Variants in SLMAP observed in about 807,000 individuals in gnomAD.
The protein encoded by SLMAP is sarcolemma associated protein.
In SLMAP, 44 loss-of-function variants were observed where a neutral mutation model predicts 128.8. The observed-to-expected ratio is 0.34, with a 90% CI of 0.27 to 0.44. The LOEUF is 0.44. Among genes scored for constraint, SLMAP ranks in the 20% least tolerant of loss-of-function variants. The pLI is 1.00. For missense variants in SLMAP, 787 were observed against 985.3 expected (o/e 0.80, Z 2.69); for synonymous variants, 327 against 348.8 (o/e 0.94, Z 0.70).
chr3:57,857,879 C>G (rs779057558), intron 7 of SLMAP, 51 bp downstream of exon 7: 33 of 1,236,040 alleles, frequency 2.7e-5, no homozygotes, highest in Non-Finnish European at 3.9e-5. Context: ...GTTTAATATT[C>G]CATACATGTT....
At chr3:57,817,917 A>G (rs1021474110) in intron 2 of SLMAP, among the ~76,000 whole-genome samples, 1 of 152,150 alleles carries the variant, frequency 6.6e-6, no homozygotes, top group Non-Finnish European at 1.5e-5. Flanking sequence ...TACTATTCTT[A>G]CCATTGTGAC....
chr3:57,762,053 CAA>C (rs1312577556), intron 2 of SLMAP, among the ~76,000 whole-genome samples: 7 of 45,522 alleles, frequency 1.5e-4, no homozygotes, highest in Non-Finnish European at 8.8e-5. Flanking sequence ...GACTCCGTCT[CAA>C]AAAAAAAAAA....
At chr3:57,895,663 C>T (rs984166303) in intron 15 of SLMAP, among the ~76,000 whole-genome samples, 17 of 152,020 alleles carry the variant, frequency 1.1e-4, no homozygotes, top group Admixed American at 7.9e-4. Context: ...TTTTCTTGGC[C>T]AGGTGCAGTG....
chr3:57,928,743 G>A lies in SLMAP; in HGVS notation c.*1454G>A, dbSNP rs1559605282. On this transcript the variant is annotated 3_prime_UTR_variant, in exon 25 of 25. Transcript: ENST00000671191. ...CAATCCACAGGTCTAGCCAAATATT[G>A]AAATAGGAGTTTAGGGTATAATTTG... The A allele has an allele frequency of 6.6e-6, 1 of 152,188 alleles. No homozygotes were observed. Among genetic ancestry groups the A allele is most frequent in the Non-Finnish European group, 1.5e-5 (1 of 68,012 alleles). 9.4% of individuals were successfully genotyped at this position (152,188 alleles called of 1,614,324 possible).
At chr3:57,914,085 C>A (rs2096758270) in intron 21 of SLMAP, among the ~76,000 whole-genome samples, 1 of 152,146 alleles carries the variant, frequency 6.6e-6, no homozygotes, top group Non-Finnish European at 1.5e-5. Flanking sequence ...CCAGTTAAAT[C>A]TTTCTAGTAT....
intron 14 of SLMAP, among the ~76,000 whole-genome samples, chr3:57,882,509 C>T (rs2095772586): frequency 6.6e-6 from 1 of 152,192 alleles, no homozygotes; most frequent in Non-Finnish European, 1.5e-5. Context: ...AACTTAAACA[C>T]CTTTTTAAAA....
intron 3 of SLMAP, among the ~76,000 whole-genome samples, chr3:57,833,082 G>T (rs2093434975): frequency 6.6e-6 from 1 of 152,174 alleles, no homozygotes; most frequent in African/African-American, 2.4e-5. Context: ...TGATTACATT[G>T]TCTTTCTCTC....
intron 2 of SLMAP, among the ~76,000 whole-genome samples, chr3:57,761,358 G>T (rs1207732354): frequency 6.6e-6 from 1 of 151,910 alleles, no homozygotes; most frequent in Non-Finnish European, 1.5e-5. Context: ...GCAGTGGTGC[G>T]ATCTCAGCTC....
intron 2 of SLMAP, among the ~76,000 whole-genome samples, chr3:57,763,542 TA>T (rs1383451025): frequency 3.3e-5 from 5 of 152,138 alleles, no homozygotes; most frequent in African/African-American, 9.7e-5. Context: ...CCTAAAGAGT[TA>T]GGATTACAGG....
intron 21 of SLMAP, among the ~76,000 whole-genome samples, chr3:57,913,491 C>T (rs141329092): frequency 1.8e-3 from 278 of 152,104 alleles, no homozygotes; most frequent in African/African-American, 6.6e-3. Flanking sequence ...TCCTTGTACT[C>T]ATGGAATACA....
In SLMAP at chr3:57,861,982, C is replaced by T. The variant is rs185383639; in HGVS notation, c.862C>T (p.His288Tyr). Reference protein sequence around the residue: ...SLSNTEDECTHLKEMNERTQE... With the variant: ...SLSNTEDECTYLKEMNERTQE... ...GAGTAATACTGAAGATGAATGTACC[C>T]ATCTGAAAGAAATGAATGAAAGGAC... The change falls in exon 10 of 25, where the codon CAT becomes TAT. Residue 288 changes from histidine to tyrosine, a missense_variant. Coordinates refer to ENST00000671191, the MANE Select transcript of SLMAP (RefSeq NM_001377540.1). 62 of 1,611,762 alleles carry T rather than the reference C, an allele frequency of 3.8e-5. No homozygotes were observed. The East Asian group carries it at 1.2e-3, about 32-fold the overall frequency.
rs779312973 is a variant in SLMAP, at chr3:57,862,061, T to G, written c.941T>G (p.Ile314Ser). The change falls in exon 10 of 25, where the codon ATT becomes AGT. Residue 314 changes from isoleucine to serine, a missense_variant. Physicochemically the swap from Ile to Ser is moderately radical, Grantham distance 142 (BLOSUM62 -2). Around this residue, in one of 2 missense-constraint regions of SLMAP, gnomAD observed 715 missense variants for 843.6 expected, o/e 0.85. Transcript: ENST00000671191. ...ANKYNGAVNE[I>S]KDLSDKLKVA... ...AAATATAATGGAGCAGTTAATGAGA[T>G]TAAAGATTTATCTGATAAATTAAAG... The G allele has an allele frequency of 1.9e-6, 3 of 1,587,454 alleles. No homozygotes were observed. Among genetic ancestry groups the G allele is most frequent in the South Asian group, 2.2e-5 (2 of 90,446 alleles).
intron 2 of SLMAP, among the ~76,000 whole-genome samples, chr3:57,793,254 G>A (rs1210422982): frequency 6.6e-6 from 1 of 152,066 alleles, no homozygotes; most frequent in Non-Finnish European, 1.5e-5. Flanking sequence ...CAGTTTTTGA[G>A]GTTAATTCTT....
At chr3:57,769,718 T>A (rs2080447687) in intron 2 of SLMAP, among the ~76,000 whole-genome samples, 1 of 152,194 alleles carries the variant, frequency 6.6e-6, no homozygotes, top group East Asian at 1.9e-4. Flanking sequence ...GTAGGTAGGA[T>A]TAACAGAGCA....
chr3:57,813,618 C>T (rs1013685607), intron 2 of SLMAP, among the ~76,000 whole-genome samples: 4 of 152,106 alleles, frequency 2.6e-5, no homozygotes, highest in Admixed American at 6.6e-5. Context: ...AACAATACAT[C>T]ATAACAACTA....
chr3:57,891,080 AT>A (rs958835660), intron 15 of SLMAP: 3 of 152,152 alleles, frequency 2.0e-5, no homozygotes, highest in Non-Finnish European at 4.4e-5. Flanking sequence ...TTTAGTACAT[AT>A]GGCAATTTTT....
chr3:57,884,143 G>A (rs1179765548), intron 14 of SLMAP, among the ~76,000 whole-genome samples: 1 of 152,000 alleles, frequency 6.6e-6, no homozygotes, highest in Non-Finnish European at 1.5e-5. Flanking sequence ...TGCCCAGGCT[G>A]GTTTCGAGCT....
At chr3:57,759,851 G>A (rs1249246670) in intron 2 of SLMAP, among the ~76,000 whole-genome samples, 1 of 152,184 alleles carries the variant, frequency 6.6e-6, no homozygotes, top group African/African-American at 2.4e-5. Flanking sequence ...TGCTTTCCAT[G>A]GCTGTACTAA....
chr3:57,881,227 G>A (rs1338426163), intron 14 of SLMAP, among the ~76,000 whole-genome samples: 1 of 151,974 alleles, frequency 6.6e-6, no homozygotes, highest in African/African-American at 2.4e-5. Flanking sequence ...AAGAAAGAAA[G>A]CCTTCTACTC....
Sources: allele counts gnomAD v4.1 joint callset (sites outside exome capture counted in the v4.1 genomes callset), GRCh38; gene constraint gnomAD v4.1.1; regional missense constraint gnomAD v4.1.1; transcripts MANE v1.5; gene names NCBI Gene and HGNC (gene_info 2026-07-23, HGNC 2026-07-21).